Variants in WWC2 observed in about 807,000 individuals in gnomAD.
WWC2 encodes the protein protein WWC2.
A neutral mutation model predicts 138.5 loss-of-function variants in WWC2; 101 were observed. That is an observed-to-expected ratio of 0.73 (90% confidence interval 0.62 to 0.86). The LOEUF (loss-of-function observed/expected upper bound fraction) is 0.86. Ranked by LOEUF, WWC2 falls within the 40% of genes least tolerant of loss-of-function variation. The probability of loss-of-function intolerance (pLI) is 0.00; values close to 1 mark genes in which losing one functional copy is unlikely to be tolerated. For missense variants in WWC2, 1,420 were observed against 1,419.4 expected, an observed-to-expected ratio of 1.00 and a Z score of -0.01; for synonymous variants, 558 against 538.4, an observed-to-expected ratio of 1.04 and a Z score of -0.50.
chr4:183,137,314 A>G (rs1382629837), intron 1 of WWC2, among the ~76,000 whole-genome samples: 1 of 152,104 alleles, frequency 6.6e-6, no homozygotes, highest in East Asian at 1.9e-4. Flanking sequence ...CACATTGTAC[A>G]CCTGTTCAAA....
At chr4:183,177,508 G>A (rs1350341179) in intron 1 of WWC2, among the ~76,000 whole-genome samples, 1 of 152,162 alleles carries the variant, frequency 6.6e-6, no homozygotes, top group African/African-American at 2.4e-5. Flanking sequence ...CCTTTGGTCA[G>A]AAGCTCCTTT....
At chr4:183,127,820 G>A (rs956273569) in intron 1 of WWC2, among the ~76,000 whole-genome samples, 2 of 152,022 alleles carry the variant, frequency 1.3e-5, no homozygotes, top group African/African-American at 4.8e-5. Context: ...ACATATATAT[G>A]TAACACATTA....
chr4:183,178,601 A>G (rs922945669), intron 1 of WWC2, among the ~76,000 whole-genome samples: 1 of 151,120 alleles, frequency 6.6e-6, no homozygotes. Context: ...AAAAAAAAGT[A>G]AAAATCAGAG....
intron 4 of WWC2, among the ~76,000 whole-genome samples, chr4:183,235,808 T>G (rs1345930024): frequency 5.3e-5 from 8 of 152,316 alleles, no homozygotes; most frequent in African/African-American, 1.7e-4. Context: ...AGCACTAATA[T>G]CTCTTCAAGA....
chr4:183,137,626 A>G (rs1021714632), intron 1 of WWC2, among the ~76,000 whole-genome samples: 5 of 151,922 alleles, frequency 3.3e-5, no homozygotes, highest in Non-Finnish European at 7.4e-5. Context: ...AGGCTCCTAA[A>G]TAGCTGGGAC....
At chr4:183,205,440 C>T (rs986267551) in intron 2 of WWC2, among the ~76,000 whole-genome samples, 1 of 152,062 alleles carries the variant, frequency 6.6e-6, no homozygotes. Context: ...TTATTCCATC[C>T]TTTCTACATT....
In WWC2 at chr4:183,265,670, T is replaced by A; in HGVS notation, c.2040-18T>A. 6.2e-7 allele frequency: 1 copy of A among 1,601,656 alleles called. No homozygotes were observed. The highest frequency in any genetic ancestry group is 8.5e-7 in the Non-Finnish European group (1 of 1,173,220). ...TAACCCCATTAATTAACTGTTCATC[T>A]ACTCCCTGTCCATATAGACCTAGTG... On this transcript the variant is annotated intron_variant, in intron 12 of 22. Coordinates refer to ENST00000403733, the MANE Select transcript of WWC2 (RefSeq NM_024949.6).
Position 183,155,090 on chromosome 4 carries a change from C to T in WWC2, c.132-38509C>T, listed in dbSNP as rs578181278. ...TTGTGGGCACAAGTTAGATAATTGACATTCAAACATGAAGGAAAAAATTAG... is the reference window on the plus strand; with the variant it reads ...TTGTGGGCACAAGTTAGATAATTGATATTCAAACATGAAGGAAAAAATTAG... On this transcript the variant is annotated intron_variant, in intron 1 of 22. Coordinates refer to ENST00000403733, the MANE Select transcript of WWC2 (RefSeq NM_024949.6). Among the ~76,000 whole-genome samples the T allele has an allele frequency of 2.2e-4, 33 of 150,124 alleles. No individual in the cohort carries two copies. The South Asian group carries it at 6.4e-3, about 29-fold the overall frequency.
intron 22 of WWC2, among the ~76,000 whole-genome samples, chr4:183,313,504 C>G (rs1039081407): frequency 4.6e-5 from 7 of 151,968 alleles, no homozygotes; most frequent in African/African-American, 1.5e-4. Flanking sequence ...GGATGCTGAC[C>G]TCTGCCATGG....
chr4:183,285,063 A>G (rs1476732660), intron 19 of WWC2, among the ~76,000 whole-genome samples: 2 of 152,232 alleles, frequency 1.3e-5, no homozygotes, highest in Non-Finnish European at 2.9e-5. Context: ...TCTAGAAACA[A>G]GAGACCCAGA....
At chr4:183,104,116 C>T (rs1008291597) in intron 1 of WWC2, among the ~76,000 whole-genome samples, 8 of 152,148 alleles carry the variant, frequency 5.3e-5, no homozygotes, top group Middle Eastern at 3.4e-3. Flanking sequence ...CCTGCCACCA[C>T]GCCCAGCTAA....
At chr4:183,270,108 T>A (rs970296765) in intron 15 of WWC2, 1 of 152,258 alleles carries the variant, frequency 6.6e-6, no homozygotes, top group Non-Finnish European at 1.5e-5. Context: ...TCTGATGATA[T>A]TGTCTGACAA....
chr4:183,286,209 A>T (rs3749594), intron 20 of WWC2, 150 bp downstream of exon 20: 1 of 704,246 alleles, frequency 1.4e-6, no homozygotes, highest in Admixed American at 2.3e-5. Context: ...AGAGACGCAG[A>T]TGCCATGGCC....
At chr4:183,104,177 C>T (rs1270195895) in intron 1 of WWC2, among the ~76,000 whole-genome samples, 1 of 152,096 alleles carries the variant, frequency 6.6e-6, no homozygotes, top group African/African-American at 2.4e-5. Flanking sequence ...GTTGGCCAGG[C>T]TGGCAAATTA....
chr4:183,282,810 C>T lies in WWC2; in HGVS notation c.2787C>T (p.Cys929=), dbSNP rs74554938. The T allele has an allele frequency of 7.5e-4, 1,194 of 1,588,118 alleles. 7 individuals carry two copies. In the African/African-American group the frequency reaches 0.013, roughly 17 times the overall value. Residue 929 remains cysteine (C), a synonymous_variant, in exon 18 of 23, where the codon TGC becomes TGT. Transcript: ENST00000403733. ...DSSCTEDLSS[C]TSVPEMNEDG... ...GCTGTACAGAAGATTTAAGTTCATG[C>T]ACTAGTGTGCCTGAGATGAATGAAG...
chr4:183,277,487 T>A (rs1345297027), intron 16 of WWC2, among the ~76,000 whole-genome samples: 1 of 150,636 alleles, frequency 6.6e-6, no homozygotes, highest in Non-Finnish European at 1.5e-5. Flanking sequence ...GTCCTTTGGG[T>A]ATATACCCAG....
At chr4:183,154,988 A>G (rs1733756693) in intron 1 of WWC2, among the ~76,000 whole-genome samples, 1 of 152,212 alleles carries the variant, frequency 6.6e-6, no homozygotes, top group Admixed American at 6.5e-5. Context: ...GCTCTGTCCC[A>G]TTGTATTATA....
At chr4:183,139,535 C>T (rs1431635279) in intron 1 of WWC2, among the ~76,000 whole-genome samples, 1 of 152,038 alleles carries the variant, frequency 6.6e-6, no homozygotes. Context: ...TTGTGTACTT[C>T]TTTTTTTCCT....
rs74758498 is a variant in WWC2 at position 183,126,533 on chromosome 4, G to T, written c.131+26911G>T. On this transcript the variant is annotated intron_variant, in intron 1 of 22. Transcript: ENST00000403733. Reference sequence around the variant, plus strand: ...TTTTTGTGGCAAATAACACTAGGGGGTTCTTAGGAATAGGAGAGGACTGTT... The same window carrying T: ...TTTTTGTGGCAAATAACACTAGGGGTTTCTTAGGAATAGGAGAGGACTGTT... Among the ~76,000 whole-genome samples, 738 of 152,246 alleles carry T rather than the reference G, an allele frequency of 4.8e-3. 7 individuals are homozygous for T. The highest frequency in any genetic ancestry group is 0.016 in the African/African-American group (685 of 41,540).
Sources: allele counts gnomAD v4.1 joint callset (sites outside exome capture counted in the v4.1 genomes callset), GRCh38; gene constraint gnomAD v4.1.1; transcripts MANE v1.5; gene names NCBI Gene and HGNC (gene_info 2026-07-23, HGNC 2026-07-21).